The following PTPRD variants were observed in gnomAD, a reference collection of about 807,000 sequenced individuals.
PTPRD encodes the protein receptor-type tyrosine-protein phosphatase delta.
In PTPRD, 34 loss-of-function variants were observed where a neutral mutation model predicts 214.5. The ratio of observed to expected loss-of-function variants is 0.16; its 90% CI spans 0.12 to 0.21. The LOEUF (loss-of-function observed/expected upper bound fraction) is 0.21. PTPRD is among the 10% of genes least tolerant of loss of function. PTPRD has a pLI of 1.00. For missense variants in PTPRD, 2,545 were observed against 2,398.7 expected, an observed-to-expected ratio of 1.06 and a Z score of -1.27; for synonymous variants, 1,128 against 845.7, an observed-to-expected ratio of 1.33 and a Z score of -5.79.
intron 4 of PTPRD, among the ~76,000 whole-genome samples, chr9:10,011,132 A>C (rs1490265471): frequency 6.6e-6 from 1 of 151,966 alleles, no homozygotes; most frequent in African/African-American, 2.4e-5. Context: ...GTAGAAGGCA[A>C]TTATTTTAAA....
chr9:8,382,310 C>T (rs2085359075), intron 37 of PTPRD, among the ~76,000 whole-genome samples: 1 of 152,144 alleles, frequency 6.6e-6, no homozygotes, highest in Admixed American at 6.5e-5. Flanking sequence ...GAGATTAACA[C>T]ATACTTCTGA....
chr9:10,587,793 G>C (rs1199246624), intron 2 of PTPRD, among the ~76,000 whole-genome samples: 1 of 151,970 alleles, frequency 6.6e-6, no homozygotes, highest in African/African-American at 2.4e-5. Flanking sequence ...CCACACTTTA[G>C]TCTAGTGAAG....
chr9:10,038,054 G>A (rs1045959442), intron 3 of PTPRD, among the ~76,000 whole-genome samples: 5 of 152,056 alleles, frequency 3.3e-5, no homozygotes, highest in African/African-American at 1.2e-4. Flanking sequence ...AATTCCAAAT[G>A]CAGACTTGAA....
At chr9:9,633,900 C>A (rs115430069) in intron 7 of PTPRD, among the ~76,000 whole-genome samples, 2,418 of 152,152 alleles carry the variant, frequency 0.016, 56 homozygotes, top group African/African-American at 0.056. Flanking sequence ...GCCCAAAAAA[C>A]CACCTGTATG....
intron 2 of PTPRD, among the ~76,000 whole-genome samples, chr9:10,360,113 A>G (rs915078596): frequency 3.9e-5 from 6 of 152,208 alleles, no homozygotes; most frequent in Non-Finnish European, 7.3e-5. Flanking sequence ...AATTTGTCCT[A>G]CTGAAAAACG....
intron 9 of PTPRD, among the ~76,000 whole-genome samples, chr9:9,239,998 C>A (rs1194495808): frequency 2.0e-5 from 3 of 152,128 alleles, no homozygotes; most frequent in Non-Finnish European, 4.4e-5. Context: ...GGCTAGCTAA[C>A]ACAGATTTGG....
intron 11 of PTPRD, among the ~76,000 whole-genome samples, chr9:8,786,998 A>C (rs1334020151): frequency 6.6e-6 from 1 of 151,860 alleles, no homozygotes; most frequent in African/African-American, 2.4e-5. Context: ...CACCACGCCC[A>C]GCTAATATTT....
chr9:9,662,086 G>A (rs1487140700), intron 7 of PTPRD, among the ~76,000 whole-genome samples: 1 of 151,690 alleles, frequency 6.6e-6, no homozygotes, highest in Admixed American at 6.6e-5. Flanking sequence ...AATACTATAT[G>A]AGAAATTACA....
At chr9:9,216,595 A>G (rs182873747) in intron 9 of PTPRD, among the ~76,000 whole-genome samples, 2 of 152,292 alleles carry the variant, frequency 1.3e-5, no homozygotes, top group East Asian at 3.9e-4. Context: ...GCTGAGAATA[A>G]TAAAAACAGG....
chr9:10,403,110 G>C (rs1425794844), intron 2 of PTPRD, among the ~76,000 whole-genome samples: 1 of 150,620 alleles, frequency 6.6e-6, no homozygotes, highest in Non-Finnish European at 1.5e-5. Flanking sequence ...AGAAATAAAG[G>C]TGCAGTTAAA....
At chr9:9,655,575 A>AAAAAC in intron 7 of PTPRD, among the ~76,000 whole-genome samples, 1 of 121,412 alleles carries the variant, frequency 8.2e-6, no homozygotes, top group African/African-American at 3.5e-5. Flanking sequence ...TCTCAAAGGG[A>AAAAAC]AAACCAAACC....
intron 34 of PTPRD, among the ~76,000 whole-genome samples, chr9:8,443,585 G>C (rs1247761242): frequency 6.6e-6 from 1 of 152,150 alleles, no homozygotes; most frequent in Non-Finnish European, 1.5e-5. Flanking sequence ...TGAAAATGAG[G>C]TCTTTGTGTT....
chr9:9,538,804 T>C (rs1448979157), intron 8 of PTPRD, among the ~76,000 whole-genome samples: 1 of 151,638 alleles, frequency 6.6e-6, no homozygotes, highest in Non-Finnish European at 1.5e-5. Context: ...AAAAAAGGAG[T>C]CAAGTAGAAC....
intron 10 of PTPRD, among the ~76,000 whole-genome samples, chr9:9,120,776 G>T (rs2099816869): frequency 6.6e-6 from 1 of 152,092 alleles, no homozygotes; most frequent in African/African-American, 2.4e-5. Flanking sequence ...GGAACTACTG[G>T]TCTAGGCCAG....
At chr9:9,674,379 G>A (rs1246854163) in intron 7 of PTPRD, among the ~76,000 whole-genome samples, 2 of 151,072 alleles carry the variant, frequency 1.3e-5, no homozygotes, top group Non-Finnish European at 3.0e-5. Flanking sequence ...GTGCAACAAT[G>A]AAAGATGGGA....
intron 2 of PTPRD, among the ~76,000 whole-genome samples, chr9:10,597,677 A>T (rs1352128903): frequency 1.3e-5 from 2 of 151,828 alleles, no homozygotes; most frequent in African/African-American, 4.8e-5. Context: ...GATTTCATTA[A>T]CTTCCACCAG....
chr9:8,531,358 C>T (rs990519500), intron 14 of PTPRD, among the ~76,000 whole-genome samples: 3 of 152,002 alleles, frequency 2.0e-5, no homozygotes, highest in African/African-American at 7.2e-5. Flanking sequence ...ACATCTACAA[C>T]ATAGTTCTGA....
chr9:9,598,693 A>T (rs1283289127), intron 7 of PTPRD, among the ~76,000 whole-genome samples: 1 of 151,986 alleles, frequency 6.6e-6, no homozygotes, highest in Non-Finnish European at 1.5e-5. Context: ...TCACAGTATT[A>T]AATGTTTATT....
intron 2 of PTPRD, among the ~76,000 whole-genome samples, chr9:10,600,476 A>T (rs1301580914): frequency 6.6e-6 from 1 of 151,800 alleles, no homozygotes; most frequent in Non-Finnish European, 1.5e-5. Context: ...CAACATCTCC[A>T]GCAACAAAGA....
Sources: allele counts gnomAD v4.1 joint callset (sites outside exome capture counted in the v4.1 genomes callset), GRCh38; gene constraint gnomAD v4.1.1; transcripts MANE v1.5; gene names NCBI Gene and HGNC (gene_info 2026-07-23, HGNC 2026-07-21).